The following FLI1 variants were observed in gnomAD, a reference collection of about 807,000 sequenced individuals.
The protein encoded by FLI1 is Fli-1 proto-oncogene, ETS transcription factor.
FLI1 carries 13 observed loss-of-function variants against 53.1 expected under a neutral mutation model. The ratio of observed to expected loss-of-function variants is 0.24; its 90% CI spans 0.16 to 0.39. The LOEUF (loss-of-function observed/expected upper bound fraction) is 0.39. Ranked by LOEUF, FLI1 falls within the 10% of genes least tolerant of loss-of-function variation. The pLI, the probability that FLI1 is intolerant of heterozygous loss-of-function variation, is 1.00. For missense variants in FLI1, 424 were observed against 600.5 expected (o/e 0.71, Z 3.07); for synonymous variants, 244 against 236.7 (o/e 1.03, Z -0.28).
intron 1 of FLI1, among the ~76,000 whole-genome samples, chr11:128,752,129 C>A (rs538421202): frequency 6.6e-6 from 1 of 152,104 alleles, no homozygotes; most frequent in African/African-American, 2.4e-5. Context: ...GCACCCACCA[C>A]CACACCTGGC....
intron 2 of FLI1, among the ~76,000 whole-genome samples, chr11:128,759,057 T>C (rs1941005824): frequency 6.6e-6 from 1 of 152,216 alleles, no homozygotes; most frequent in Non-Finnish European, 1.5e-5. Context: ...TTATGGTCCT[T>C]ACTCTAGCGT....
chr11:128,758,575 C>T lies in FLI1; in HGVS notation c.230+249C>T, dbSNP rs619225. 0.092 allele frequency among the ~76,000 whole-genome samples: 13,987 copies of T among 152,192 alleles called. 793 individuals carry two copies. The highest frequency in any genetic ancestry group is 0.18 in the South Asian group (874 of 4,828). On this transcript the variant is annotated intron_variant, in intron 2 of 8. Coordinates refer to ENST00000527786, the MANE Select transcript of FLI1 (RefSeq NM_002017.5). Reference sequence around the variant, plus strand: ...CTCAGAGGCCAGGTAGGAGTCAGGCCCCAAGCGCCTATGCAGACACTCGTG... The same window carrying T: ...CTCAGAGGCCAGGTAGGAGTCAGGCTCCAAGCGCCTATGCAGACACTCGTG...
At chr11:128,793,443 A>T (rs1942338385) in intron 5 of FLI1, among the ~76,000 whole-genome samples, 1 of 152,106 alleles carries the variant, frequency 6.6e-6, no homozygotes, top group African/African-American at 2.4e-5. Context: ...TGTTCTTAGA[A>T]TAATCTCCTT....
At chr11:128,695,683 T>C (rs1033222653) in intron 1 of FLI1, among the ~76,000 whole-genome samples, 1 of 152,150 alleles carries the variant, frequency 6.6e-6, no homozygotes, top group African/African-American at 2.4e-5. Context: ...AAGGGAGCTA[T>C]AAGAGCCTAT....
intron 1 of FLI1, among the ~76,000 whole-genome samples, chr11:128,704,726 G>C (rs1938479354): frequency 6.6e-6 from 1 of 152,164 alleles, no homozygotes; most frequent in Admixed American, 6.5e-5. Flanking sequence ...CCCCAATTCA[G>C]TTTGAAACTG....
chr11:128,693,730 C>A (rs371760995), upstream of FLI1: 210 of 233,382 alleles, frequency 9.0e-4, no homozygotes, highest in African/African-American at 4.1e-3. Flanking sequence ...GGACGCTGGG[C>A]GTGGACCCCG....
intron 2 of FLI1, among the ~76,000 whole-genome samples, chr11:128,764,974 A>G (rs913805252): frequency 6.6e-6 from 1 of 151,216 alleles, no homozygotes; most frequent in Non-Finnish European, 1.5e-5. Context: ...GCCATTTTCC[A>G]GAGGAGAAAC....
At chr11:128,773,599 G>T (rs1591801236) in intron 4 of FLI1, among the ~76,000 whole-genome samples, 1 of 149,672 alleles carries the variant, frequency 6.7e-6, no homozygotes, top group Non-Finnish European at 1.5e-5. Context: ...AAGAAAGAAA[G>T]CAGGCAGTTG....
chr11:128,689,672 A>G (rs11828738), upstream of FLI1, among the ~76,000 whole-genome samples: 45 of 152,188 alleles, frequency 3.0e-4, no homozygotes, highest in African/African-American at 1.1e-3. Flanking sequence ...GAGAAGCTGA[A>G]CCCACCTTGG....
intron 2 of FLI1, among the ~76,000 whole-genome samples, chr11:128,759,563 T>C (rs1189324183): frequency 2.0e-5 from 3 of 152,212 alleles, no homozygotes; most frequent in African/African-American, 4.8e-5. Flanking sequence ...AGCAAAGAGA[T>C]GATTAACAGG....
chr11:128,773,060 T>C, intron 4 of FLI1, 75 bp downstream of exon 4: 1 of 1,380,876 alleles, frequency 7.2e-7, no homozygotes, highest in Non-Finnish European at 1.0e-6. Flanking sequence ...AAGTCAGTGC[T>C]GCCCGTTCGT....
At chr11:128,797,671 A>G (rs560277538) in intron 5 of FLI1, among the ~76,000 whole-genome samples, 1 of 152,322 alleles carries the variant, frequency 6.6e-6, no homozygotes, top group African/African-American at 2.4e-5. Context: ...GTGTCTGGCA[A>G]GGTAGTAGAC....
intron 1 of FLI1, among the ~76,000 whole-genome samples, chr11:128,694,555 G>C (rs1329451433): frequency 9.5e-6 from 1 of 104,892 alleles, no homozygotes; most frequent in South Asian, 3.6e-4. Flanking sequence ...GGCTGCAGGA[G>C]GGGACGGCGG....
intron 1 of FLI1, among the ~76,000 whole-genome samples, chr11:128,700,631 T>G (rs1258501118): frequency 1.3e-5 from 2 of 152,168 alleles, no homozygotes; most frequent in African/African-American, 4.8e-5. Context: ...CCCAGTTCTT[T>G]GGGAGACGGA....
chr11:128,800,094 T>C (rs1266791916), intron 5 of FLI1, among the ~76,000 whole-genome samples: 3 of 152,092 alleles, frequency 2.0e-5, no homozygotes, highest in South Asian at 4.2e-4. Flanking sequence ...AGGTCTGCCA[T>C]TGATTTGAGC....
rs567811353 is a variant in FLI1, at chr11:128,810,272, A to T, written c.830-187A>T. ...GGATCTAACCTCGCTTATTATACCC[A>T]TCTCCAAGGCAAGCAGAAAGGCAAA... On this transcript the variant is annotated intron_variant, in intron 8 of 8. Transcript: ENST00000527786. The surrounding 1 kb of genome is among the most constrained non-coding windows in gnomAD (Gnocchi z 6.6). 6.6e-6 allele frequency among the ~76,000 whole-genome samples: 1 copy of T among 151,778 alleles called. No individual in the cohort carries two copies. Among genetic ancestry groups the T allele is most frequent in the Admixed American group, 6.6e-5 (1 of 15,224 alleles).
At chr11:128,690,465 G>A (rs1937693886), upstream of FLI1, among the ~76,000 whole-genome samples, 1 of 152,204 alleles carries the variant, frequency 6.6e-6, no homozygotes, top group Admixed American at 6.5e-5. Context: ...CCCAGTCTGG[G>A]GCCGAAGAAG....
chr11:128,694,579 C>T (rs1272527814), intron 1 of FLI1, among the ~76,000 whole-genome samples: 1 of 56 alleles, frequency 0.018, no homozygotes, highest in Admixed American at 0.17. Context: ...ACCGGGGGAC[C>T]CCAGGGTACG....
chr11:128,770,141 C>T (rs866968249), intron 3 of FLI1, among the ~76,000 whole-genome samples: 4 of 152,192 alleles, frequency 2.6e-5, no homozygotes, highest in South Asian at 2.1e-4. Flanking sequence ...ACTGCTATGT[C>T]GACCCTCCAA....
Sources: gnomAD v4.1 joint callset for allele counts (sites outside exome capture counted in the v4.1 genomes callset) on GRCh38, gnomAD v4.1.1 for gene constraint, Gnocchi (gnomAD v3.1) non-coding constraint, MANE v1.5 for transcripts, NCBI Gene and HGNC (gene_info 2026-07-23, HGNC 2026-07-21) for gene names.